Variants in MTR observed in about 807,000 individuals in gnomAD.
The protein encoded by MTR is 5-methyltetrahydrofolate-homocysteine methyltransferase.
A neutral mutation model predicts 154.8 loss-of-function variants in MTR; 84 were observed. The observed-to-expected ratio is 0.54, with a 90% CI of 0.45 to 0.65. The LOEUF is 0.65. MTR is among the 30% of genes least tolerant of loss of function. The probability of loss-of-function intolerance (pLI) is 0.00; values close to 1 mark genes in which losing one functional copy is unlikely to be tolerated. For synonymous variants in MTR, 554 were observed against 553.9 expected (o/e 1.00, Z 0.00); for missense variants, 1,275 against 1,570.2 (o/e 0.81, Z 3.18).
chr1:236,799,204 C>A (rs1284170238), intron 1 of MTR, among the ~76,000 whole-genome samples: 1 of 152,068 alleles, frequency 6.6e-6, no homozygotes. Flanking sequence ...TCACTGCAGC[C>A]TCGACTTCCC....
intron 28 of MTR, among the ~76,000 whole-genome samples, chr1:236,890,722 A>T (rs1666270412): frequency 6.6e-6 from 1 of 152,170 alleles, no homozygotes; most frequent in Admixed American, 6.5e-5. Flanking sequence ...GATTAAAAGC[A>T]CCACGGAATA....
rs775827591 is a variant in MTR, at chr1:236,803,572, C to G, written c.179C>G (p.Ala60Gly). The change falls in exon 2 of 33, where the codon GCC (alanine) becomes GGC (glycine). Residue 60 changes from alanine to glycine, a missense_variant. Coordinates refer to ENST00000366577, the MANE Select transcript of MTR (RefSeq NM_000254.3). ...HFRGQEFKDH[A>G]RPLKGNNDIL... ...CGAGGTCAGGAATTTAAAGATCATGCCAGGCCGCTGAAAGGCAACAATGAC... is the reference window on the plus strand; with the variant it reads ...CGAGGTCAGGAATTTAAAGATCATGGCAGGCCGCTGAAAGGCAACAATGAC... 6 of 1,614,142 alleles carry G rather than the reference C, an allele frequency of 3.7e-6. No homozygotes were observed. In the Admixed American group the frequency reaches 1.0e-4, roughly 27 times the overall value.
chr1:236,824,864 C>G (rs1363694853), intron 9 of MTR, among the ~76,000 whole-genome samples: 2 of 152,112 alleles, frequency 1.3e-5, no homozygotes, highest in Non-Finnish European at 2.9e-5. Context: ...ATAAATAAAA[C>G]AAGAAACTGG....
intron 14 of MTR, 45 bp downstream of exon 14, chr1:236,835,732 T>C (rs1662870065): frequency 2.5e-6 from 4 of 1,611,856 alleles, no homozygotes; most frequent in Admixed American, 1.7e-5. Flanking sequence ...CTTGTCTCAC[T>C]TTGACACTCA....
At chr1:236,886,122 A>G (rs1438825964) in intron 26 of MTR, among the ~76,000 whole-genome samples, 170 bp from the exon 27 acceptor site, 1 of 152,320 alleles carries the variant, frequency 6.6e-6, no homozygotes, top group Admixed American at 6.5e-5. Context: ...TCTGGTGCCA[A>G]TGTGAAACCG....
chr1:236,829,421 A>C (rs1662482978), intron 12 of MTR, among the ~76,000 whole-genome samples, 153 bp downstream of exon 12: 1 of 152,126 alleles, frequency 6.6e-6, no homozygotes, highest in Non-Finnish European at 1.5e-5. Context: ...CTAGTGAAGA[A>C]CCCTTTGTTT....
chr1:236,872,978 C>G (rs1263972321), intron 22 of MTR, among the ~76,000 whole-genome samples: 1 of 152,200 alleles, frequency 6.6e-6, no homozygotes, highest in Admixed American at 6.5e-5. Flanking sequence ...GAATGAGACC[C>G]TGTCTCAAAA....
chr1:236,826,487 G>A lies in MTR; in HGVS notation c.928-342G>A, dbSNP rs183350548. Among the ~76,000 whole-genome samples, 627 of 152,216 alleles carry A rather than the reference G, an allele frequency of 4.1e-3. 8 individuals are homozygous for A. The highest frequency in any genetic ancestry group is 0.015 in the African/African-American group (606 of 41,526). ...ATTTTTAAATTTTTTGTAGAGATGA[G>A]GTCTTGCTATATTGCCCAGGCTGGT... is the stretch of plus-strand genomic sequence containing the variant. On this transcript the variant is annotated intron_variant, in intron 10 of 32. Transcript: ENST00000366577.
chr1:236,835,423 G>A, intron 13 of MTR, 124 bp from the exon 14 acceptor site: 1 of 1,193,646 alleles, frequency 8.4e-7, no homozygotes, highest in Non-Finnish European at 1.2e-6. Context: ...CCCGGAGTCA[G>A]GGAGTCTGGC....
intron 25 of MTR, among the ~76,000 whole-genome samples, chr1:236,883,991 T>G (rs1390321989): frequency 6.6e-6 from 1 of 152,222 alleles, no homozygotes; most frequent in Non-Finnish European, 1.5e-5. Flanking sequence ...TGCCGTTTCT[T>G]CTTTCTATGT....
chr1:236,812,611 C>G, intron 5 of MTR, 127 bp from the exon 6 acceptor site: 2 of 785,212 alleles, frequency 2.5e-6, no homozygotes, highest in Non-Finnish European at 4.5e-6. Flanking sequence ...TACAAAAGAT[C>G]ATGTTCTTAA....
rs753974843 is a variant in MTR at position 236,874,864 on chromosome 1, G to GCTTTGTCCT, written c.2594+20_2594+28dup. The GCTTTGTCCT allele has an allele frequency of 6.1e-5, 99 of 1,612,900 alleles. No individual in the cohort carries two copies. Among genetic ancestry groups the GCTTTGTCCT allele is most frequent in the Non-Finnish European group, 7.0e-5 (83 of 1,179,256 alleles). ...ACTTCAAAGTAAGTTATACTAATGA[G>GCTTTGTCCT]CTTTGTCCTCACTTCAAATTTTCTT... On this transcript the variant is annotated intron_variant, in intron 24 of 32. Transcript: ENST00000366577.
At chr1:236,839,312 G>A (rs769509883) in intron 15 of MTR, among the ~76,000 whole-genome samples, 3 of 152,106 alleles carry the variant, frequency 2.0e-5, no homozygotes, top group Non-Finnish European at 4.4e-5. Flanking sequence ...TACGCAAAGA[G>A]TTTATATAAG....
At chr1:236,797,334 A>G (rs1443410413) in intron 1 of MTR, among the ~76,000 whole-genome samples, 1 of 152,186 alleles carries the variant, frequency 6.6e-6, no homozygotes, top group African/African-American at 2.4e-5. Flanking sequence ...GTTGGGCCTT[A>G]AAACTAAATG....
rs746520520 is a variant in MTR, at chr1:236,866,935, G to A, written c.2405+3381G>A. ...AGAAGAAAAGTTTGAAGCTAACAGA[G>A]GTTGGTTCATGAGGTTTAAGGAAAG... On this transcript the variant is annotated intron_variant, in intron 22 of 32. Transcript: ENST00000366577. Among the ~76,000 whole-genome samples the A allele has an allele frequency of 5.3e-5, 8 of 152,340 alleles. No homozygotes were observed. The Middle Eastern group carries it at 0.01, about 194-fold the overall frequency.
intron 1 of MTR, among the ~76,000 whole-genome samples, chr1:236,801,721 C>T (rs1485229511): frequency 1.3e-5 from 2 of 152,154 alleles, no homozygotes; most frequent in African/African-American, 2.4e-5. Flanking sequence ...GAGCTTTTCT[C>T]GCCTCTTAGC....
chr1:236,824,105 T>C lies in MTR; in HGVS notation c.765-14T>C. 1 of 1,600,680 alleles carries C rather than the reference T, an allele frequency of 6.2e-7. No homozygotes were observed. The highest frequency in any genetic ancestry group is 1.7e-5 in the Admixed American group (1 of 59,998). On this transcript the variant is annotated splice_polypyrimidine_tract_variant and intron_variant, in intron 8 of 32. Transcript: ENST00000366577. Reference sequence around the variant, plus strand: ...AGAGATGATGCTTTTAATATGTTTTTTCTGTTTTTCTAGCATTGGATTAAA... The same window carrying C: ...AGAGATGATGCTTTTAATATGTTTTCTCTGTTTTTCTAGCATTGGATTAAA...
At chr1:236,873,710 C>A in intron 22 of MTR, 63 bp from the exon 23 acceptor site, 1 of 1,347,424 alleles carries the variant, frequency 7.4e-7, no homozygotes, top group South Asian at 1.2e-5. Flanking sequence ...TAAAAATGTT[C>A]ATTTCAGTTT....
chr1:236,843,086 C>CAAA (rs563953592), intron 15 of MTR, among the ~76,000 whole-genome samples: 10 of 74,532 alleles, frequency 1.3e-4, no homozygotes, highest in African/African-American at 5.9e-4. Context: ...ACTCTGTCTC[C>CAAA]AAAAAAAAAA....
Sources: gnomAD v4.1 joint callset for allele counts (sites outside exome capture counted in the v4.1 genomes callset) on GRCh38, gnomAD v4.1.1 for gene constraint, MANE v1.5 for transcripts, NCBI Gene and HGNC (gene_info 2026-07-23, HGNC 2026-07-21) for gene names.